Variants in PDE10A observed in about 807,000 individuals in gnomAD.
The protein encoded by PDE10A is cAMP and cAMP-inhibited cGMP 3',5'-cyclic phosphodiesterase 10A.
A neutral mutation model predicts 97.7 loss-of-function variants in PDE10A; 39 were observed. The ratio of observed to expected loss-of-function variants is 0.40; its 90% CI spans 0.31 to 0.52. The LOEUF is 0.52. Among genes scored for constraint, PDE10A ranks in the 20% least tolerant of loss-of-function variants. The pLI is 0.56. For synonymous variants in PDE10A, 371 were observed against 376.8 expected (o/e 0.98, Z 0.18); for missense variants, 731 against 1,047.8 (o/e 0.70, Z 4.17).
intron 1 of PDE10A, among the ~76,000 whole-genome samples, chr6:165,643,559 C>T (rs1427921785): frequency 6.6e-6 from 1 of 152,112 alleles, no homozygotes; most frequent in African/African-American, 2.4e-5. Flanking sequence ...CGGAGAAAGT[C>T]AGTCGTGAAA....
intron 1 of PDE10A, among the ~76,000 whole-genome samples, chr6:165,584,921 T>C (rs1785820853): frequency 6.6e-6 from 1 of 152,180 alleles, no homozygotes; most frequent in African/African-American, 2.4e-5. Flanking sequence ...CTATAAACAC[T>C]ATCTAGGACC....
intron 1 of PDE10A, among the ~76,000 whole-genome samples, chr6:165,978,237 C>T (rs1446601688): frequency 6.6e-6 from 1 of 152,038 alleles, no homozygotes; most frequent in Non-Finnish European, 1.5e-5. Flanking sequence ...AATCATCACA[C>T]CTCAATGAAA....
chr6:165,702,831 T>C (rs1305621117), intron 1 of PDE10A, among the ~76,000 whole-genome samples: 2 of 152,144 alleles, frequency 1.3e-5, no homozygotes, highest in South Asian at 2.1e-4. Context: ...TAATCTGCAC[T>C]AGAACCACGT....
chr6:165,690,797 C>T (rs1055395535), intron 1 of PDE10A, among the ~76,000 whole-genome samples: 8 of 152,266 alleles, frequency 5.3e-5, no homozygotes, highest in African/African-American at 9.6e-5. Context: ...GTTAACTTGA[C>T]TGAGCCACGG....
Position 165,347,853 on chromosome 6 carries a change from A to AT in PDE10A, c.2784-4352_2784-4351insA, listed in dbSNP as rs1215578043. ...ACTACATTATGGCATATATATATATAAAAAACAGGTAACACATCACATAGA... is the reference window on the plus strand; with the variant it reads ...ACTACATTATGGCATATATATATATATAAAAACAGGTAACACATCACATAGA... On this transcript the variant is annotated intron_variant, in intron 18 of 21. Transcript: ENST00000539869. Among the ~76,000 whole-genome samples, 208 of 152,312 alleles carry AT rather than the reference A, an allele frequency of 1.4e-3. 1 individual carries two copies. The highest frequency in any genetic ancestry group is 4.8e-3 in the African/African-American group (198 of 41,574).
chr6:165,604,834 C>T (rs1343418301), intron 1 of PDE10A, among the ~76,000 whole-genome samples: 1 of 152,196 alleles, frequency 6.6e-6, no homozygotes, highest in African/African-American at 2.4e-5. Context: ...CTAACAGGGT[C>T]ATATGTGGGT....
chr6:165,505,919 T>C (rs1171014890), intron 2 of PDE10A, among the ~76,000 whole-genome samples: 1 of 152,098 alleles, frequency 6.6e-6, no homozygotes, highest in Admixed American at 6.6e-5. Context: ...ATTCTAAAAG[T>C]AACATGCATA....
intron 3 of PDE10A, among the ~76,000 whole-genome samples, chr6:165,454,443 T>C (rs1777825033): frequency 1.3e-5 from 2 of 152,182 alleles, no homozygotes; most frequent in Admixed American, 1.3e-4. Context: ...AACGCAACAG[T>C]ACGGAGAGGT....
chr6:165,412,564 A>G (rs1323850363), intron 13 of PDE10A, among the ~76,000 whole-genome samples: 1 of 152,178 alleles, frequency 6.6e-6, no homozygotes, highest in Admixed American at 6.5e-5. Flanking sequence ...ACTGTCCCCC[A>G]AAAGGGCACC....
chr6:165,562,344 C>T (rs553188232), intron 1 of PDE10A, among the ~76,000 whole-genome samples: 1 of 152,160 alleles, frequency 6.6e-6, no homozygotes, highest in East Asian at 1.9e-4. Flanking sequence ...TAAGTAGACA[C>T]AAAAGGTCTC....
chr6:165,410,884 C>G (rs930359105), intron 13 of PDE10A, among the ~76,000 whole-genome samples: 2 of 137,992 alleles, frequency 1.4e-5, no homozygotes, highest in Admixed American at 7.3e-5. Context: ...GTCAGGAGAT[C>G]GAGACCATCC....
chr6:165,716,499 A>G (rs1792030019), intron 1 of PDE10A, among the ~76,000 whole-genome samples: 1 of 152,224 alleles, frequency 6.6e-6, no homozygotes, highest in African/African-American at 2.4e-5. Context: ...TCTAAGAAAA[A>G]GATATTGGAG....
chr6:165,599,682 G>A (rs905087262), intron 1 of PDE10A, among the ~76,000 whole-genome samples: 2 of 152,130 alleles, frequency 1.3e-5, no homozygotes, highest in Non-Finnish European at 2.9e-5. Flanking sequence ...TTATTATCAT[G>A]TGAGCAAGCA....
chr6:165,544,716 G>A (rs1439385384), intron 1 of PDE10A, among the ~76,000 whole-genome samples: 2 of 152,032 alleles, frequency 1.3e-5, no homozygotes, highest in Non-Finnish European at 2.9e-5. Context: ...AATTAATTCT[G>A]CTGGGAACTA....
intron 1 of PDE10A, among the ~76,000 whole-genome samples, chr6:165,624,598 G>A (rs999990044): frequency 2.6e-5 from 4 of 152,048 alleles, no homozygotes; most frequent in East Asian, 1.9e-4. Flanking sequence ...TGATTCCCAC[G>A]TTAGGAGTTT....
intron 1 of PDE10A, among the ~76,000 whole-genome samples, chr6:165,941,538 G>A (rs996253410): frequency 6.6e-6 from 1 of 152,066 alleles, no homozygotes; most frequent in Non-Finnish European, 1.5e-5. Flanking sequence ...GGGGATGTCG[G>A]GATCATGGAG....
chr6:165,979,258 G>A (rs1784938596), intron 1 of PDE10A, among the ~76,000 whole-genome samples: 1 of 152,268 alleles, frequency 6.6e-6, no homozygotes, highest in East Asian at 1.9e-4. Flanking sequence ...CTCCCCATTA[G>A]CACCAAGGGA....
intron 1 of PDE10A, among the ~76,000 whole-genome samples, chr6:165,594,637 G>A (rs1460789982): frequency 6.6e-6 from 1 of 152,108 alleles, no homozygotes; most frequent in African/African-American, 2.4e-5. Flanking sequence ...TTCAGGCAAA[G>A]ATCATCAATG....
At position 165,686,485 on chromosome 6, in the gene PDE10A, G is replaced by A. The variant is rs75055567; in HGVS notation, c.-614-142917C>T. ...TGTTGCTCTGGCAGGAGCTGTGGCC[G>A]CACTCCCAGAGACTAGTTCATGGGT... On this transcript the variant is annotated intron_variant, in intron 1 of 19. Coordinates refer to the PDE10A transcript ENST00000366882. Among the ~76,000 whole-genome samples, 47 of 152,212 alleles carry A rather than the reference G, an allele frequency of 3.1e-4. No homozygotes were observed. In the East Asian group the frequency reaches 8.7e-3, roughly 28 times the overall value.
Sources: gnomAD v4.1 joint callset for allele counts (sites outside exome capture counted in the v4.1 genomes callset) on GRCh38, gnomAD v4.1.1 for gene constraint, MANE v1.5 for transcripts, NCBI Gene and HGNC (gene_info 2026-07-23, HGNC 2026-07-21) for gene names.